The following TBX21 variants were observed in gnomAD, a reference collection of about 807,000 sequenced individuals.
TBX21 encodes the protein T-box transcription factor TBX21.
Under a neutral mutation model 52.2 loss-of-function variants are expected in TBX21, and 11 were observed. The ratio of observed to expected loss-of-function variants is 0.21; its 90% CI spans 0.13 to 0.35. TBX21 has a LOEUF of 0.35. Among genes scored for constraint, TBX21 ranks in the 10% least tolerant of loss-of-function variants. The pLI is 1.00. For synonymous variants in TBX21, 300 were observed against 316.1 expected, an observed-to-expected ratio of 0.95 and a Z score of 0.54; for missense variants, 625 against 755.1, an observed-to-expected ratio of 0.83 and a Z score of 2.02.
At position 47,745,133 on chromosome 17, in the gene TBX21, G is replaced by A. The variant is rs552669547; in HGVS notation, c.1375G>A (p.Gly459Ser). 3.2e-5 allele frequency: 52 copies of A among 1,614,144 alleles called. No individual in the cohort carries two copies. In the Middle Eastern group the frequency reaches 6.6e-4, roughly 20 times the overall value. Residue 459 changes from glycine (G) to serine (S), a missense_variant, in exon 6 of 6, where the codon GGC becomes AGC. Physicochemically the swap from Gly to Ser is moderately conservative, Grantham distance 56. This residue lies in a region of TBX21 where 261 missense variants were observed against 275.1 expected (regional missense o/e 0.95). Transcript: ENST00000177694. ...RPMRTLPMEP[G>S]PGGSEGRGPE... ...TATGCGGACTCTGCCCATGGAACCCGGCCCTGGAGGCTCAGAGGGACGGGG... is the reference window on the plus strand; with the variant it reads ...TATGCGGACTCTGCCCATGGAACCCAGCCCTGGAGGCTCAGAGGGACGGGG...
At chr17:47,735,811 C>T (rs2032201093) in intron 1 of TBX21, among the ~76,000 whole-genome samples, 1 of 152,238 alleles carries the variant, frequency 6.6e-6, no homozygotes, top group Non-Finnish European at 1.5e-5. Flanking sequence ...ACACAGCAGA[C>T]CAGAAGTGGG....
chr17:47,744,064 C>A, intron 3 of TBX21, 131 bp from the exon 4 acceptor site: 1 of 1,169,678 alleles, frequency 8.5e-7, no homozygotes, highest in Non-Finnish European at 1.2e-6. Context: ...TACATGGTGG[C>A]AGAGCAGGGG....
At position 47,744,944 on chromosome 17, in the gene TBX21, G is replaced by A. The variant is rs1479893545; in HGVS notation, c.1186G>A (p.Glu396Lys). The A allele has an allele frequency of 6.2e-7, 1 of 1,614,120 alleles. No individual in the cohort carries two copies. Among genetic ancestry groups the A allele is most frequent in the African/African-American group, 1.3e-5 (1 of 75,032 alleles). Reference sequence around the variant, plus strand: ...GGGGGCCCCCCGGGACCACAGCTATGAGGCTGAGTTTCGAGCAGTCAGCAT... The same window carrying A: ...GGGGGCCCCCCGGGACCACAGCTATAAGGCTGAGTTTCGAGCAGTCAGCAT... ...WLGAPRDHSYEAEFRAVSMKP... is the reference protein window; with the variant it reads ...WLGAPRDHSYKAEFRAVSMKP... Residue 396 changes from glutamate to lysine, a missense_variant, in exon 6 of 6, where the codon GAG becomes AAG. Transcript: ENST00000177694.
rs1048139284 is a variant in TBX21, at chr17:47,742,787, TGG to T, written c.646+25_646+26del. On this transcript the variant is annotated intron_variant, in intron 2 of 5. Transcript: ENST00000177694. This position sits in a 1 kb window ranked among gnomAD's most constrained non-coding sequence, Gnocchi z 4.4. ...CAGGTGCGCGCGCCCCTGGGAGCGG[TGG>T]GCTCTGTTTCGCTGGGACTGGGCGC... The T allele has an allele frequency of 2.4e-5, 37 of 1,547,120 alleles. No individual in the cohort carries two copies. Among genetic ancestry groups the T allele is most frequent in the Non-Finnish European group, 3.1e-5 (35 of 1,145,086 alleles).
chr17:47,733,829 C>T lies in TBX21; in HGVS notation c.375C>T (p.Tyr125=), dbSNP rs2143417810. Residue 125 remains tyrosine (Y), a synonymous_variant, in exon 1 of 6, where the codon TAC becomes TAT. Transcript: ENST00000177694. This position sits in a 1 kb window ranked among gnomAD's most constrained non-coding sequence, Gnocchi z 6.6. ...TCTACCCGGGGCCGCGTGAGGACTA[C>T]GCGCTACCCGCGGGACTGGAGGTGT... ...AGLYPGPRED[Y]ALPAGLEVSG... 1 of 1,606,590 alleles carries T rather than the reference C, an allele frequency of 6.2e-7. No individual in the cohort carries two copies. The highest frequency in any genetic ancestry group is 1.3e-5 in the African/African-American group (1 of 74,982).
At position 47,745,454 on chromosome 17, in the gene TBX21, GC is replaced by G; in HGVS notation, c.*93del. The G allele has an allele frequency of 6.7e-7, 1 of 1,496,556 alleles. No homozygotes were observed. Among genetic ancestry groups the G allele is most frequent in the Non-Finnish European group, 8.9e-7 (1 of 1,125,572 alleles). The allele number at this position is 1,496,556 out of a possible 1,614,324, so 92.7% of individuals were successfully genotyped here. Reference sequence around the variant, plus strand: ...GGGAAACGGATGAAGGACTGAGAAGGCCCCCGCTCCCTCTGGCCCTTCTCTG... The same window carrying G: ...GGGAAACGGATGAAGGACTGAGAAGGCCCCGCTCCCTCTGGCCCTTCTCTG... On this transcript the variant is annotated 3_prime_UTR_variant, in exon 6 of 6. Transcript: ENST00000177694.
rs2032324479 is a variant in TBX21, at chr17:47,745,528, C to G, written c.*162C>G. On this transcript the variant is annotated 3_prime_UTR_variant, in exon 6 of 6. Transcript: ENST00000177694. ...GGGGCTCAAGAAGGATTTTGGGGTT[C>G]ACCAGATGCTTCCTGGCCCACGATG... is the stretch of plus-strand genomic sequence containing the variant. 2 of 993,662 alleles carry G rather than the reference C, an allele frequency of 2.0e-6. No individual in the cohort carries two copies. The highest frequency in any genetic ancestry group is 2.8e-6 in the Non-Finnish European group (2 of 701,756). The allele number at this position is 993,662 out of a possible 1,614,324, so 61.6% of individuals were successfully genotyped here. A position where few individuals can be genotyped will look rare whatever the true frequency, so the allele number is the denominator to read the frequency against.
chr17:47,734,251 C>T (rs955100719), intron 1 of TBX21, among the ~76,000 whole-genome samples: 1 of 152,134 alleles, frequency 6.6e-6, no homozygotes, highest in Non-Finnish European at 1.5e-5. Context: ...GTGTGCGCCC[C>T]TGCCCCACTC....
intron 1 of TBX21, among the ~76,000 whole-genome samples, chr17:47,734,622 G>GT (rs1567918990): frequency 1.9e-3 from 188 of 99,364 alleles, no homozygotes; most frequent in South Asian, 3.0e-3. Flanking sequence ...TGTGTGTGTG[G>GT]GTGTGTGTGT....
chr17:47,741,147 G>T (rs1289161750), intron 1 of TBX21, among the ~76,000 whole-genome samples: 1 of 152,180 alleles, frequency 6.6e-6, no homozygotes, highest in Non-Finnish European at 1.5e-5. Flanking sequence ...GGTGGAGGTG[G>T]TGGTTGTAGT....
chr17:47,740,572 A>G (rs561097936), intron 1 of TBX21, among the ~76,000 whole-genome samples: 7 of 152,232 alleles, frequency 4.6e-5, no homozygotes, highest in Admixed American at 3.3e-4. Context: ...CTCTACTAAA[A>G]ATACAAAAAT....
chr17:47,738,807 C>T (rs2032236397), intron 1 of TBX21, among the ~76,000 whole-genome samples: 1 of 151,966 alleles, frequency 6.6e-6, no homozygotes, highest in Non-Finnish European at 1.5e-5. Context: ...CACCATGTTA[C>T]CCAGGCTGGT....
In TBX21 at chr17:47,742,890, G is replaced by A; in HGVS notation, c.646+126G>A. On this transcript the variant is annotated intron_variant, in intron 2 of 5. Transcript: ENST00000177694. The surrounding 1 kb of genome is among the most constrained non-coding windows in gnomAD (Gnocchi z 4.4). The stretch of plus-strand genomic sequence containing the variant: ...CCCTCCCACTCCATCCCACGCCATT[G>A]CATCCCTCCTGTTTCTGGCTTCCTG... 1 of 1,471,172 alleles carries A rather than the reference G, an allele frequency of 6.8e-7. No individual in the cohort carries two copies. Among genetic ancestry groups the A allele is most frequent in the Non-Finnish European group, 9.0e-7 (1 of 1,107,894 alleles). The allele number at this position is 1,471,172 out of a possible 1,614,324, so 91.1% of individuals were successfully genotyped here.
chr17:47,733,470 C>A lies in TBX21; in HGVS notation c.16C>A (p.Pro6Thr). The change falls in exon 1 of 6, where the codon CCG becomes ACG. Residue 6 changes from proline to threonine, a missense_variant. Physicochemically the swap from Pro to Thr is conservative, Grantham distance 38. Transcript: ENST00000177694. This position sits in a 1 kb window ranked among gnomAD's most constrained non-coding sequence, Gnocchi z 6.6. ...CCCGCCCCGGATGGGCATCGTGGAG[C>A]CGGGTTGCGGAGACATGCTGACGGG... MGIVE[P>T]GCGDMLTGTE... The A allele has an allele frequency of 6.7e-7, 1 of 1,489,476 alleles. No individual in the cohort carries two copies. The highest frequency in any genetic ancestry group is 1.3e-5 in the South Asian group (1 of 79,090). The allele number at this position is 1,489,476 out of a possible 1,614,324, so 92.3% of individuals were successfully genotyped here.
intron 1 of TBX21, among the ~76,000 whole-genome samples, chr17:47,741,525 T>C (rs1272204407): frequency 2.0e-5 from 3 of 152,198 alleles, no homozygotes; most frequent in Admixed American, 2.0e-4. Flanking sequence ...TAGAGCCTTC[T>C]TTCAGGTGGA....
rs756268409 is a variant in TBX21 at position 47,733,970 on chromosome 17, G to A, written c.491+25G>A. On this transcript the variant is annotated intron_variant, in intron 1 of 5. Coordinates refer to ENST00000177694, the MANE Select transcript of TBX21 (RefSeq NM_013351.2). The surrounding 1 kb of genome is among the most constrained non-coding windows in gnomAD (Gnocchi z 6.6). ...GGTGAGTGCGGCGCGCCGGCCCTTG[G>A]GGCCTCTGTGCCCGCGCCGGAACAA... 41 of 1,612,258 alleles carry A rather than the reference G, an allele frequency of 2.5e-5. No homozygotes were observed. Among genetic ancestry groups the A allele is most frequent in the Non-Finnish European group, 3.5e-5 (41 of 1,179,334 alleles).
At position 47,733,617 on chromosome 17, in the gene TBX21, G is replaced by T. The variant is rs1418732322; in HGVS notation, c.163G>T (p.Gly55Trp). 2.8e-6 allele frequency: 4 copies of T among 1,454,526 alleles called. No individual in the cohort carries two copies. Among genetic ancestry groups the T allele is most frequent in the Non-Finnish European group, 2.7e-6 (3 of 1,110,142 alleles). 90.1% of individuals were successfully genotyped at this position (1,454,526 alleles called of 1,614,324 possible). ...CGAGCGTCGCGGGGGCGGCAGCCTGGGGTCTCCCTACCCGGGGGGCGCCTT... is the reference window on the plus strand; with the variant it reads ...CGAGCGTCGCGGGGGCGGCAGCCTGTGGTCTCCCTACCCGGGGGGCGCCTT... ...ADERRGGGSL[G>W]SPYPGGALVP... The change falls in exon 1 of 6, where the codon GGG becomes TGG. Residue 55 changes from glycine to tryptophan, a missense_variant. Physicochemically the swap from Gly to Trp is radical, Grantham distance 184 (BLOSUM62 -2). Transcript: ENST00000177694. This position sits in a 1 kb window ranked among gnomAD's most constrained non-coding sequence, Gnocchi z 6.6.
chr17:47,740,021 T>C (rs565178443), intron 1 of TBX21, among the ~76,000 whole-genome samples: 2 of 152,278 alleles, frequency 1.3e-5, no homozygotes, highest in East Asian at 3.9e-4. Flanking sequence ...ACCAAACCTC[T>C]CGGAGCGTCA....
At chr17:47,741,150 G>T (rs1173197703) in intron 1 of TBX21, among the ~76,000 whole-genome samples, 1 of 152,190 alleles carries the variant, frequency 6.6e-6, no homozygotes, top group Admixed American at 6.5e-5. Context: ...GGAGGTGGTG[G>T]TTGTAGTGAC....
Sources: allele counts gnomAD v4.1 joint callset (sites outside exome capture counted in the v4.1 genomes callset), GRCh38; gene constraint gnomAD v4.1.1; regional missense constraint gnomAD v4.1.1; non-coding constraint Gnocchi (gnomAD v3.1); transcripts MANE v1.5; gene names NCBI Gene and HGNC (gene_info 2026-07-23, HGNC 2026-07-21).